Variants in RGL1 observed in about 807,000 individuals in gnomAD.
RGL1 encodes ral guanine nucleotide dissociation stimulator like 1, also known as ral guanine nucleotide dissociation stimulator-like 1.
RGL1 carries 24 observed loss-of-function variants against 95.2 expected under a neutral mutation model. The observed-to-expected ratio is 0.25, with a 90% confidence interval of 0.18 to 0.35. RGL1 has a LOEUF of 0.35. Ranked by LOEUF, RGL1 falls within the 10% of genes least tolerant of loss-of-function variation. The pLI is 1.00. For synonymous variants in RGL1, 329 were observed against 344.9 expected (o/e 0.95, Z 0.51); for missense variants, 715 against 936.3 (o/e 0.76, Z 3.08).
chr1:183,803,461 T>C (rs533440410), upstream of RGL1, among the ~76,000 whole-genome samples: 1 of 152,334 alleles, frequency 6.6e-6, no homozygotes, highest in African/African-American at 2.4e-5. Context: ...CTGTATCCAC[T>C]TGGCTTGAAG....
chr1:183,660,703 C>T (rs933812164), intron 1 of RGL1, among the ~76,000 whole-genome samples: 1 of 151,664 alleles, frequency 6.6e-6, no homozygotes, highest in Non-Finnish European at 1.5e-5. Context: ...CTGCACCAAG[C>T]AGACCTAATA....
chr1:183,919,829 C>T (rs866901222), intron 16 of RGL1, among the ~76,000 whole-genome samples: 4 of 152,178 alleles, frequency 2.6e-5, no homozygotes, highest in Admixed American at 6.5e-5. Flanking sequence ...TTCAGTACCG[C>T]GCATTCAGTA....
intron 1 of RGL1, among the ~76,000 whole-genome samples, chr1:183,637,791 G>A (rs1332571882): frequency 2.6e-5 from 4 of 152,016 alleles, no homozygotes; most frequent in Admixed American, 2.0e-4. Context: ...CCTTAAGACA[G>A]CAAAGGAAAA....
At chr1:183,735,257 GACAGTATT>G (rs1656870365) in intron 1 of RGL1, among the ~76,000 whole-genome samples, 1 of 152,128 alleles carries the variant, frequency 6.6e-6, no homozygotes, top group South Asian at 2.1e-4. Context: ...TAACTCCACA[GACAGTATT>G]GTGCAACCTT....
At position 183,679,523 on chromosome 1, in the gene RGL1, G is replaced by A. The variant is rs1210904538; in HGVS notation, c.-33+43022G>A. ...GTTCCTGTGTTAGTTTGCTGAGAATGAGAATGAGAAAAAAAGAATGCTCAT... is the reference window on the plus strand; with the variant it reads ...GTTCCTGTGTTAGTTTGCTGAGAATAAGAATGAGAAAAAAAGAATGCTCAT... On this transcript the variant is annotated intron_variant, in intron 1 of 18. Coordinates refer to the RGL1 transcript ENST00000304685. Among the ~76,000 whole-genome samples, 5 of 141,352 alleles carry A rather than the reference G, an allele frequency of 3.5e-5. 1 individual carries two copies. The South Asian group carries it at 6.6e-4, about 19-fold the overall frequency. The allele number at this position is 141,352 out of a possible 152,430, so 92.7% of individuals were successfully genotyped here. A position where few individuals can be genotyped will look rare whatever the true frequency, so the allele number is the denominator to read the frequency against.
intron 1 of RGL1, among the ~76,000 whole-genome samples, chr1:183,644,291 C>T (rs1488382412): frequency 6.6e-6 from 1 of 152,168 alleles, no homozygotes; most frequent in African/African-American, 2.4e-5. Context: ...ATCTGTGCCA[C>T]AATTTCCTTA....
chr1:183,799,577 C>T (rs933370018), intron 2 of RGL1, among the ~76,000 whole-genome samples: 27 of 152,136 alleles, frequency 1.8e-4, no homozygotes, highest in Non-Finnish European at 3.2e-4. Context: ...TCTTTTCATA[C>T]ACCTGTTGGC....
chr1:183,849,497 T>TTTC (rs1664685549), intron 3 of RGL1, among the ~76,000 whole-genome samples: 1 of 140,278 alleles, frequency 7.1e-6, no homozygotes, highest in Non-Finnish European at 1.6e-5. Flanking sequence ...TTTTTTTTTT[T>TTTC]TTTTTTTTTG....
intron 1 of RGL1, among the ~76,000 whole-genome samples, chr1:183,653,897 A>T (rs185653177): frequency 1.3e-5 from 2 of 152,142 alleles, no homozygotes; most frequent in African/African-American, 4.8e-5. Flanking sequence ...TGACCCCCAC[A>T]TCATCTCCTA....
chr1:183,814,848 T>C (rs1034066850), intron 2 of RGL1, among the ~76,000 whole-genome samples: 5 of 152,222 alleles, frequency 3.3e-5, no homozygotes, highest in African/African-American at 9.7e-5. Flanking sequence ...CTAATGGTGA[T>C]GGAGCTAGAG....
intron 1 of RGL1, among the ~76,000 whole-genome samples, chr1:183,668,257 A>G (rs1040992748): frequency 6.6e-6 from 1 of 152,062 alleles, no homozygotes; most frequent in Non-Finnish European, 1.5e-5. Context: ...AAATTCTCTC[A>G]ATTTTTGCCT....
chr1:183,636,953 A>G (rs887153545), intron 1 of RGL1, among the ~76,000 whole-genome samples: 3 of 152,206 alleles, frequency 2.0e-5, no homozygotes, highest in African/African-American at 4.8e-5. Context: ...CGAGCAGAAG[A>G]CTGGCTGTTG....
chr1:183,827,479 G>A (rs556837348), intron 2 of RGL1, among the ~76,000 whole-genome samples: 1 of 152,336 alleles, frequency 6.6e-6, no homozygotes, highest in African/African-American at 2.4e-5. Flanking sequence ...ATTGTAGGAC[G>A]TCAGTGGCCT....
intron 2 of RGL1, among the ~76,000 whole-genome samples, chr1:183,813,752 T>A (rs1024121081): frequency 1.3e-5 from 2 of 152,226 alleles, no homozygotes; most frequent in African/African-American, 4.8e-5. Flanking sequence ...ATACTCTTTA[T>A]CCTAGCAGCT....
chr1:183,794,055 GACACACACACACAC>G (rs147087444), intron 2 of RGL1, among the ~76,000 whole-genome samples: 51 of 145,914 alleles, frequency 3.5e-4, no homozygotes, highest in Admixed American at 9.6e-4. Context: ...AGAAAATGTG[GACACACACACACAC>G]ACACACACAC....
intron 2 of RGL1, among the ~76,000 whole-genome samples, chr1:183,773,849 GCAAA>G (rs970648254): frequency 1.3e-5 from 2 of 152,002 alleles, no homozygotes; most frequent in African/African-American, 2.4e-5. Context: ...TAAAAAAATG[GCAAA>G]CAAAGAGACT....
intron 2 of RGL1, among the ~76,000 whole-genome samples, chr1:183,837,098 A>G (rs1278201009): frequency 6.6e-6 from 1 of 152,188 alleles, no homozygotes; most frequent in African/African-American, 2.4e-5. Context: ...AAAGTTTGGA[A>G]ACATCAGTTA....
intron 1 of RGL1, among the ~76,000 whole-genome samples, chr1:183,693,050 G>A (rs1654049960): frequency 1.3e-5 from 2 of 151,924 alleles, no homozygotes; most frequent in African/African-American, 2.4e-5. Flanking sequence ...TGCCTCCGAG[G>A]TTCAAGCAAT....
intron 1 of RGL1, among the ~76,000 whole-genome samples, chr1:183,719,588 C>G (rs1655864387): frequency 6.6e-6 from 1 of 151,940 alleles, no homozygotes; most frequent in South Asian, 2.1e-4. Context: ...AAAGGGTGTT[C>G]TGTAGAATGT....
Sources: gnomAD v4.1 joint callset for allele counts (sites outside exome capture counted in the v4.1 genomes callset) on GRCh38, gnomAD v4.1.1 for gene constraint, MANE v1.5 for transcripts, NCBI Gene and HGNC (gene_info 2026-07-23, HGNC 2026-07-21) for gene names.